Variants in CAMTA1 observed in about 807,000 individuals in gnomAD.
CAMTA1 encodes the protein calmodulin binding transcription activator 1, also known as calmodulin-binding transcription activator 1.
Under a neutral mutation model 170.9 loss-of-function variants are expected in CAMTA1, and 27 were observed. The observed-to-expected ratio is 0.16, with a 90% confidence interval of 0.12 to 0.22. The LOEUF (loss-of-function observed/expected upper bound fraction) is 0.22, where lower values mean the gene tolerates loss of function less well. Among genes scored for constraint, CAMTA1 ranks in the 10% least tolerant of loss-of-function variants. The pLI is 1.00. For synonymous variants in CAMTA1, 833 were observed against 891.5 expected, an observed-to-expected ratio of 0.93 and a Z score of 1.17; for missense variants, 1,619 against 2,217.2, an observed-to-expected ratio of 0.73 and a Z score of 5.42.
chr1:7,461,091 G>A lies in CAMTA1; in HGVS notation c.439-6739G>A, dbSNP rs556244136. On this transcript the variant is annotated intron_variant, in intron 5 of 22. Coordinates refer to ENST00000303635, the MANE Select transcript of CAMTA1 (RefSeq NM_015215.4). ...AAACACCCCTGTCTGCCGCCCCCGC[G>A]GGTATTATCCTTGCATTAGAGAAGG... 3.9e-5 allele frequency among the ~76,000 whole-genome samples: 6 copies of A among 152,330 alleles called. No individual in the cohort carries two copies. In the South Asian group the frequency reaches 6.2e-4, roughly 16 times the overall value.
chr1:7,740,885 G>A (rs2096807096), intron 16 of CAMTA1, among the ~76,000 whole-genome samples: 2 of 152,284 alleles, frequency 1.3e-5, no homozygotes, highest in Admixed American at 6.5e-5. Flanking sequence ...CAAATTAAGA[G>A]CATGTGTCTA....
intron 3 of CAMTA1, among the ~76,000 whole-genome samples, chr1:6,955,570 C>T (rs1265891325): frequency 6.6e-6 from 1 of 152,202 alleles, no homozygotes; most frequent in Non-Finnish European, 1.5e-5. Context: ...CTTAGGATGG[C>T]TGTCAGGTGT....
intron 4 of CAMTA1, among the ~76,000 whole-genome samples, chr1:7,215,016 T>TG (rs1380301969): frequency 6.6e-6 from 1 of 152,168 alleles, no homozygotes; most frequent in Admixed American, 6.5e-5. Flanking sequence ...TCTATTCTAT[T>TG]GGTTTATGTG....
chr1:7,522,298 GC>G (rs2094376320), intron 6 of CAMTA1, among the ~76,000 whole-genome samples: 1 of 152,070 alleles, frequency 6.6e-6, no homozygotes, highest in Admixed American at 6.6e-5. Flanking sequence ...TATCATCTTT[GC>G]CGAGATATCT....
intron 3 of CAMTA1, among the ~76,000 whole-genome samples, chr1:6,878,619 T>G (rs545274218): frequency 5.3e-5 from 8 of 152,032 alleles, no homozygotes; most frequent in African/African-American, 1.7e-4. Flanking sequence ...CCACAAAGAG[T>G]GACAGAAGAC....
At chr1:6,818,524 GAGA>G (rs1274797877) in intron 1 of CAMTA1, among the ~76,000 whole-genome samples, 19 of 152,298 alleles carry the variant, frequency 1.2e-4, no homozygotes, top group African/African-American at 3.6e-4. Context: ...CTGCCTCAGA[GAGA>G]AGGAGAGAGA....
chr1:7,530,059 G>A (rs2094473494), intron 6 of CAMTA1, among the ~76,000 whole-genome samples: 2 of 152,138 alleles, frequency 1.3e-5, no homozygotes, highest in South Asian at 2.1e-4. Context: ...CCCTGTACCT[G>A]GGGAGGGCTC....
At position 7,113,281 on chromosome 1, in the gene CAMTA1, G is replaced by C. The variant is rs1463293116; in HGVS notation, c.302+21910G>C. Among the ~76,000 whole-genome samples, 1 of 152,264 alleles carries C rather than the reference G, an allele frequency of 6.6e-6. No individual in the cohort carries two copies. The highest frequency in any genetic ancestry group is 1.5e-5 in the Non-Finnish European group (1 of 68,040). ...AGAGGATCGTGGTTGGCCGTGGGCT[G>C]GTCACTGCCATGTGGGCTTGGGTTG... On this transcript the variant is annotated intron_variant, in intron 4 of 22. Transcript: ENST00000303635. The surrounding 1 kb of genome is among the most constrained non-coding windows in gnomAD (Gnocchi z 4.5).
chr1:7,265,065 G>A lies in CAMTA1; in HGVS notation c.438+15439G>A, dbSNP rs74568857. Among the ~76,000 whole-genome samples the A allele has an allele frequency of 9.4e-3, 1,428 of 152,266 alleles. 5 individuals are homozygous for A. Among genetic ancestry groups the A allele is most frequent in the Non-Finnish European group, 0.014 (933 of 68,014 alleles). ...CAGGGAGCCGGGTTTTTCTGGCCTC[G>A]TGCTTGTCTTTTCTGCTGCAGAACT... On this transcript the variant is annotated intron_variant, in intron 5 of 22. Coordinates refer to ENST00000303635, the MANE Select transcript of CAMTA1 (RefSeq NM_015215.4).
intron 7 of CAMTA1, among the ~76,000 whole-genome samples, chr1:7,659,112 A>G (rs912337467): frequency 6.6e-6 from 1 of 152,196 alleles, no homozygotes; most frequent in African/African-American, 2.4e-5. Context: ...GCCTCTTCAG[A>G]GTGAAGCAGA....
intron 7 of CAMTA1, among the ~76,000 whole-genome samples, chr1:7,655,716 T>G (rs4908665): frequency 0.68 from 103,910 of 151,850 alleles, 35,874 homozygotes; most frequent in East Asian, 0.92. Context: ...CACATCTATA[T>G]ACACATACAC....
intron 4 of CAMTA1, among the ~76,000 whole-genome samples, chr1:7,139,000 A>AAT (rs1365500875): frequency 1.4e-3 from 196 of 144,590 alleles, no homozygotes; most frequent in Admixed American, 2.3e-3. Context: ...GTCTCAAAAA[A>AAT]ATATATATAT....
At chr1:7,447,295 C>T (rs1379225252) in intron 5 of CAMTA1, among the ~76,000 whole-genome samples, 1 of 151,854 alleles carries the variant, frequency 6.6e-6, no homozygotes, top group Non-Finnish European at 1.5e-5. Context: ...ACAAGAAGGG[C>T]ACTTGGTAAA....
Position 7,635,255 on chromosome 1 carries a change from C to T in CAMTA1, c.511-5145C>T, listed in dbSNP as rs912013917. Among the ~76,000 whole-genome samples the T allele has an allele frequency of 7.9e-5, 12 of 152,178 alleles. No individual in the cohort carries two copies. The highest frequency in any genetic ancestry group is 1.5e-5 in the Non-Finnish European group (1 of 68,018). ...GGGCCTGACAGGGTGGTGAACCCCA[C>T]GGAAACATCAGGGCAGCCTGGGCAA... On this transcript the variant is annotated intron_variant, in intron 6 of 22. Coordinates refer to ENST00000303635, the MANE Select transcript of CAMTA1 (RefSeq NM_015215.4). This position sits in a 1 kb window ranked among gnomAD's most constrained non-coding sequence, Gnocchi z 4.4.
intron 3 of CAMTA1, among the ~76,000 whole-genome samples, chr1:7,035,438 G>T (rs1036127005): frequency 1.2e-4 from 18 of 152,202 alleles, no homozygotes; most frequent in Admixed American, 7.9e-4. Context: ...CTTCATTAAG[G>T]AATTCTAAAG....
chr1:7,134,146 T>G (rs1645415526), intron 4 of CAMTA1, among the ~76,000 whole-genome samples: 1 of 152,230 alleles, frequency 6.6e-6, no homozygotes, highest in African/African-American at 2.4e-5. Context: ...TAAGATCATA[T>G]GGGATTTGGT....
chr1:7,213,234 C>T lies in CAMTA1; in HGVS notation c.303-36257C>T, dbSNP rs1166224005. 5.3e-5 allele frequency among the ~76,000 whole-genome samples: 8 copies of T among 152,324 alleles called. No homozygotes were observed. In the East Asian group the frequency reaches 1.3e-3, roughly 26 times the overall value. On this transcript the variant is annotated intron_variant, in intron 4 of 22. Transcript: ENST00000303635. Reference sequence around the variant, plus strand: ...GCTTTATTTTCCCACCAGCAATGTACGGATGACCCCATTTCTCTGCATCCT... The same window carrying T: ...GCTTTATTTTCCCACCAGCAATGTATGGATGACCCCATTTCTCTGCATCCT...
chr1:7,438,187 G>T (rs942481290), intron 5 of CAMTA1, among the ~76,000 whole-genome samples: 10 of 152,176 alleles, frequency 6.6e-5, no homozygotes, highest in Admixed American at 6.5e-4. Flanking sequence ...GGCCCATAGG[G>T]CTGCCACCTC....
intron 6 of CAMTA1, among the ~76,000 whole-genome samples, chr1:7,473,392 G>A (rs1301639249): frequency 6.6e-6 from 1 of 152,206 alleles, no homozygotes; most frequent in Non-Finnish European, 1.5e-5. Context: ...GGCAGTCCTA[G>A]AGCCCAGGCT....
Sources: allele counts gnomAD v4.1 joint callset (sites outside exome capture counted in the v4.1 genomes callset), GRCh38; gene constraint gnomAD v4.1.1; non-coding constraint Gnocchi (gnomAD v3.1); transcripts MANE v1.5; gene names NCBI Gene and HGNC (gene_info 2026-07-23, HGNC 2026-07-21).